EEFSEC: variants seen among roughly 807,000 people sequenced by gnomAD.
The protein encoded by EEFSEC is eukaryotic elongation factor, selenocysteine-tRNA specific.
A neutral mutation model predicts 42.1 loss-of-function variants in EEFSEC; 43 were observed. That is an observed-to-expected ratio of 1.02 (90% CI 0.80 to 1.32). The LOEUF (loss-of-function observed/expected upper bound fraction) is 1.32. Ranked by LOEUF, EEFSEC falls within the 40% of genes most tolerant of loss-of-function variation. EEFSEC has a pLI of 0.00. For missense variants in EEFSEC, 745 were observed against 803.6 expected (o/e 0.93, Z 0.88); for synonymous variants, 354 against 339.1 (o/e 1.04, Z -0.48).
intron 4 of EEFSEC, among the ~76,000 whole-genome samples, chr3:128,323,909 C>CT (rs967879141): frequency 6.6e-6 from 1 of 152,216 alleles, no homozygotes; most frequent in African/African-American, 2.4e-5. Context: ...AGGTGTATCT[C>CT]TGAGTCTGAG....
intron 2 of EEFSEC, among the ~76,000 whole-genome samples, chr3:128,249,285 TA>T (rs2066159386): frequency 6.6e-6 from 1 of 152,244 alleles, no homozygotes; most frequent in Admixed American, 6.5e-5. Context: ...GAAAAGTAGT[TA>T]AAAGAAAGAA....
intron 6 of EEFSEC, among the ~76,000 whole-genome samples, chr3:128,363,934 C>A (rs2067558158): frequency 6.6e-6 from 1 of 152,126 alleles, no homozygotes; most frequent in Admixed American, 6.5e-5. Flanking sequence ...CAGACACCAA[C>A]CTCATCAGAC....
At chr3:128,198,641 A>G (rs1490239629) in intron 1 of EEFSEC, among the ~76,000 whole-genome samples, 3 of 152,180 alleles carry the variant, frequency 2.0e-5, no homozygotes, top group Non-Finnish European at 2.9e-5. Flanking sequence ...GACACTGGGG[A>G]CATTCCTTTC....
Position 128,167,319 on chromosome 3 carries a change from C to T in EEFSEC, c.316+13496C>T, listed in dbSNP as rs1466707235. Among the ~76,000 whole-genome samples the T allele has an allele frequency of 2.0e-5, 3 of 152,198 alleles. No homozygotes were observed. The East Asian group carries it at 5.8e-4, about 29-fold the overall frequency. On this transcript the variant is annotated intron_variant, in intron 1 of 6. Coordinates refer to ENST00000254730, the MANE Select transcript of EEFSEC (RefSeq NM_021937.5). The stretch of plus-strand genomic sequence containing the variant: ...AGGGTAGGGGCCTGTTAGCATTCAA[C>T]TGTATGTCCGAGGGCCCAGGACAGG...
At chr3:128,251,661 T>A (rs1383925875) in intron 2 of EEFSEC, among the ~76,000 whole-genome samples, 3 of 152,200 alleles carry the variant, frequency 2.0e-5, no homozygotes, top group African/African-American at 7.2e-5. Context: ...TTTTTTTTAA[T>A]TTTTGGGAGT....
At chr3:128,198,084 G>C (rs1006651647) in intron 1 of EEFSEC, among the ~76,000 whole-genome samples, 1 of 152,186 alleles carries the variant, frequency 6.6e-6, no homozygotes, top group Non-Finnish European at 1.5e-5. Context: ...AATGTACTGT[G>C]GCTTCCCCTG....
chr3:128,393,061 T>C (rs2067935600), intron 6 of EEFSEC, among the ~76,000 whole-genome samples: 1 of 152,242 alleles, frequency 6.6e-6, no homozygotes, highest in South Asian at 2.1e-4. Context: ...GTGGCAGCTT[T>C]TCCCAGCGCC....
chr3:128,198,437 C>G (rs1034541803), intron 1 of EEFSEC, among the ~76,000 whole-genome samples: 1 of 152,180 alleles, frequency 6.6e-6, no homozygotes, highest in Non-Finnish European at 1.5e-5. Flanking sequence ...CCCCAACCCC[C>G]TTAAAACACA....
chr3:128,277,756 A>G (rs910696702), intron 4 of EEFSEC, among the ~76,000 whole-genome samples: 3 of 152,242 alleles, frequency 2.0e-5, no homozygotes, highest in Admixed American at 6.5e-5. Context: ...ATGTGCACAT[A>G]TGGCCTGAGA....
At chr3:128,419,821 C>G in the EEFSEC span, among the ~76,000 whole-genome samples, 1 of 152,144 alleles carries the variant, frequency 6.6e-6, no homozygotes, top group Non-Finnish European at 1.5e-5. Flanking sequence ...CTGTGGCTGC[C>G]CTGGATCCCA....
chr3:128,354,155 G>A lies in EEFSEC; in HGVS notation c.1444-4062G>A, dbSNP rs547618879. Reference sequence around the variant, plus strand: ...GCCAGCACTCTCGAGACCACACGGGGTTCCTGAACGTGTGCAGACGTCCAG... The same window carrying A: ...GCCAGCACTCTCGAGACCACACGGGATTCCTGAACGTGTGCAGACGTCCAG... On this transcript the variant is annotated intron_variant, in intron 5 of 6. Transcript: ENST00000254730. Among the ~76,000 whole-genome samples, 7 of 152,236 alleles carry A rather than the reference G, an allele frequency of 4.6e-5. No homozygotes were observed. In the South Asian group the frequency reaches 6.2e-4, roughly 14 times the overall value.
At chr3:128,315,788 G>A (rs369479540) in intron 4 of EEFSEC, among the ~76,000 whole-genome samples, 27 of 152,260 alleles carry the variant, frequency 1.8e-4, no homozygotes, top group African/African-American at 6.5e-4. Flanking sequence ...TAATTCTAGT[G>A]ATAACTTTTA....
intron 6 of EEFSEC, among the ~76,000 whole-genome samples, chr3:128,392,134 C>T (rs1576697327): frequency 6.6e-6 from 1 of 152,210 alleles, no homozygotes; most frequent in Non-Finnish European, 1.5e-5. Flanking sequence ...CTGCTGGCAG[C>T]CCTCATGCCC....
chr3:128,357,707 G>A lies in EEFSEC; in HGVS notation c.1444-510G>A, dbSNP rs72977338. Among the ~76,000 whole-genome samples, 338 of 152,218 alleles carry A rather than the reference G, an allele frequency of 2.2e-3. 1 individual carries two copies. Among genetic ancestry groups the A allele is most frequent in the African/African-American group, 7.5e-3 (311 of 41,504 alleles). On this transcript the variant is annotated intron_variant, in intron 5 of 6. Coordinates refer to ENST00000254730, the MANE Select transcript of EEFSEC (RefSeq NM_021937.5). ...AGGCCAGTTCTAGAAGGCCTTGGAT[G>A]CAGGCTCAGGAGCGGCCCGGGTGAC... is the stretch of plus-strand genomic sequence containing the variant.
At chr3:128,420,164 C>T in the EEFSEC span, among the ~76,000 whole-genome samples, 4 of 152,168 alleles carry the variant, frequency 2.6e-5, no homozygotes, top group Non-Finnish European at 5.9e-5. Flanking sequence ...CAGAGAGGCC[C>T]CGCGCAGAGC....
At chr3:128,164,534 G>T (rs1254244156) in intron 1 of EEFSEC, among the ~76,000 whole-genome samples, 1 of 152,204 alleles carries the variant, frequency 6.6e-6, no homozygotes, top group Non-Finnish European at 1.5e-5. Context: ...GAGTGGTCAG[G>T]GTGGCTGGCA....
intron 4 of EEFSEC, among the ~76,000 whole-genome samples, chr3:128,340,540 A>G (rs1249572062): frequency 6.6e-6 from 1 of 152,168 alleles, no homozygotes; most frequent in Admixed American, 6.5e-5. Context: ...TTCTTCCCCT[A>G]GAACAGTGCC....
At chr3:128,424,792 G>A in the EEFSEC span, among the ~76,000 whole-genome samples, 11 of 152,048 alleles carry the variant, frequency 7.2e-5, no homozygotes, top group Admixed American at 2.0e-4. Flanking sequence ...ACTGACGCAC[G>A]CAACAAAGTG....
chr3:128,278,001 CA>C (rs1242242584), intron 4 of EEFSEC, among the ~76,000 whole-genome samples: 1 of 152,288 alleles, frequency 6.6e-6, no homozygotes, highest in East Asian at 1.9e-4. Flanking sequence ...GACTGGAGCC[CA>C]GAGACAAATG....
Sources: gnomAD v4.1 joint callset for allele counts (sites outside exome capture counted in the v4.1 genomes callset) on GRCh38, gnomAD v4.1.1 for gene constraint, MANE v1.5 for transcripts, NCBI Gene and HGNC (gene_info 2026-07-23, HGNC 2026-07-21) for gene names.